The following PDE9A variants were observed in gnomAD, a reference collection of about 807,000 sequenced individuals.
PDE9A encodes the protein phosphodiesterase 9A, also known as high affinity cGMP-specific 3',5'-cyclic phosphodiesterase 9A.
Under a neutral mutation model 87.4 loss-of-function variants are expected in PDE9A, and 60 were observed. That is an observed-to-expected ratio of 0.69 (90% CI 0.56 to 0.85). The LOEUF is 0.85. Ranked by LOEUF, PDE9A falls within the 40% of genes least tolerant of loss-of-function variation. The pLI, the probability that PDE9A is intolerant of heterozygous loss-of-function variation, is 0.00. For missense variants in PDE9A, 665 were observed against 779.0 expected (o/e 0.85, Z 1.74); for synonymous variants, 272 against 279.4 (o/e 0.97, Z 0.27).
At chr21:42,748,007 G>C (rs1485773288) in intron 8 of PDE9A, among the ~76,000 whole-genome samples, 2 of 152,198 alleles carry the variant, frequency 1.3e-5, no homozygotes, top group East Asian at 3.9e-4. Context: ...TGGCCAGGCA[G>C]GGTCAGCGGG....
In PDE9A at chr21:42,733,421, T is replaced by C. The variant is rs2052046229; in HGVS notation, c.563T>C (p.Val188Ala). 6.3e-7 allele frequency: 1 copy of C among 1,586,472 alleles called. No homozygotes were observed. Residue 188 changes from valine to alanine, a missense_variant, in exon 7 of 20, where the codon GTG (valine) becomes GCG (alanine). Coordinates refer to ENST00000291539, the MANE Select transcript of PDE9A (RefSeq NM_002606.3). The stretch of plus-strand genomic sequence containing the variant: ...CACTTGGCTGTCCTAGAGAAACGCG[T>C]GGAATGTGAGTGACGTTTCTGTTTC... ...ANHLAVLEKR[V>A]ELEGLKVVEI...
chr21:42,769,564 ACACACACACACATG>A (rs1176702871), intron 17 of PDE9A, among the ~76,000 whole-genome samples: 2 of 52,792 alleles, frequency 3.8e-5, no homozygotes, highest in African/African-American at 2.3e-4. Flanking sequence ...ACAGGCACAC[ACACACACACACATG>A]CACACAGGTA....
rs561500906 is a variant in PDE9A at position 42,769,215 on chromosome 21, A to G, written c.1590+60A>G. ...CACTCAGATACATGCATGCACACAC[A>G]GGCACACACACATATACACATATGC... On this transcript the variant is annotated intron_variant, in intron 17 of 19. Transcript: ENST00000291539. The G allele has an allele frequency of 1.1e-5, 17 of 1,504,190 alleles. No individual in the cohort carries two copies. In the East Asian group the frequency reaches 2.5e-4, roughly 22 times the overall value. The allele number at this position is 1,504,190 out of a possible 1,614,324, so 93.2% of individuals were successfully genotyped here. A position where few individuals can be genotyped will look rare whatever the true frequency, so the allele number is the denominator to read the frequency against.
chr21:42,772,415 G>A, intron 18 of PDE9A, 24 bp from the exon 19 acceptor site: 1 of 1,539,132 alleles, frequency 6.5e-7, no homozygotes, highest in Non-Finnish European at 8.9e-7. Context: ...TCCCTGACTT[G>A]GCCTTCTCTG....
At chr21:42,755,554 G>A (rs1329607077) in intron 10 of PDE9A, among the ~76,000 whole-genome samples, 1 of 152,210 alleles carries the variant, frequency 6.6e-6, no homozygotes, top group East Asian at 1.9e-4. Flanking sequence ...CTTTAAATAT[G>A]CAGAATGACT....
chr21:42,763,349 G>A (rs970884467), intron 14 of PDE9A, among the ~76,000 whole-genome samples: 3 of 152,174 alleles, frequency 2.0e-5, no homozygotes, highest in African/African-American at 7.2e-5. Flanking sequence ...GTCTAAGGGG[G>A]CCGTAAATCC....
intron 1 of PDE9A, among the ~76,000 whole-genome samples, chr21:42,670,370 TCA>T (rs796710034): frequency 1.9e-4 from 20 of 106,350 alleles, no homozygotes; most frequent in East Asian, 3.2e-4. Context: ...ACACACACAT[TCA>T]CACACATTCA....
intron 3 of PDE9A, among the ~76,000 whole-genome samples, chr21:42,693,566 A>C (rs995986039): frequency 6.7e-6 from 1 of 148,292 alleles, no homozygotes; most frequent in Non-Finnish European, 1.5e-5. Flanking sequence ...CTGCGATTAC[A>C]GGCGTGAGCC....
At chr21:42,721,328 C>T (rs1019671619) in intron 4 of PDE9A, among the ~76,000 whole-genome samples, 4 of 152,212 alleles carry the variant, frequency 2.6e-5, no homozygotes, top group African/African-American at 9.6e-5. Context: ...AATGACAAGG[C>T]AGACACTCTC....
intron 7 of PDE9A, among the ~76,000 whole-genome samples, chr21:42,736,221 A>G (rs1007503752): frequency 2.0e-5 from 3 of 152,158 alleles, no homozygotes; most frequent in African/African-American, 7.2e-5. Flanking sequence ...GTAACTCTCA[A>G]AACTCTTACA....
chr21:42,740,439 G>A (rs1465166577), intron 7 of PDE9A, among the ~76,000 whole-genome samples: 1 of 129,210 alleles, frequency 7.7e-6, no homozygotes, highest in Non-Finnish European at 1.6e-5. Context: ...GCAAGCCCCT[G>A]TCTCAAAAAA....
chr21:42,733,359 A>T lies in PDE9A; in HGVS notation c.501A>T (p.Ala167=). 6.3e-7 allele frequency: 1 copy of T among 1,577,938 alleles called. No individual in the cohort carries two copies. The highest frequency in any genetic ancestry group is 1.7e-5 in the Admixed American group (1 of 59,976). ...LAQVAEQFSR[A]FKINELKAEV... ...CTCTTTTCTTTTTCATTCCTAGAGC[A>T]TTCAAAATCAATGAACTGAAAGCTG... Residue 167 remains alanine (A), a synonymous_variant, in exon 7 of 20, where the codon GCA becomes GCT. Coordinates refer to ENST00000291539, the MANE Select transcript of PDE9A (RefSeq NM_002606.3).
At chr21:42,670,170 C>T (rs1380835780) in intron 1 of PDE9A, among the ~76,000 whole-genome samples, 2 of 148,804 alleles carry the variant, frequency 1.3e-5, no homozygotes, top group Non-Finnish European at 2.9e-5. Flanking sequence ...CACACATTCA[C>T]ACGCACACAT....
At chr21:42,667,686 A>G (rs567101630) in intron 1 of PDE9A, among the ~76,000 whole-genome samples, 19 of 152,062 alleles carry the variant, frequency 1.2e-4, no homozygotes, top group Non-Finnish European at 2.4e-4. Flanking sequence ...ACCAGGCATT[A>G]CCTTTATTCC....
intron 4 of PDE9A, among the ~76,000 whole-genome samples, chr21:42,707,218 G>A (rs2048917159): frequency 6.6e-6 from 1 of 152,368 alleles, no homozygotes; most frequent in African/African-American, 2.4e-5. Context: ...GAGGGCCTGA[G>A]AGAAGTGCTG....
rs562206626 is a variant in PDE9A at position 42,658,711 on chromosome 21, G to A, written c.69+4828G>A. 1.8e-3 allele frequency among the ~76,000 whole-genome samples: 270 copies of A among 152,276 alleles called. 4 individuals carry two copies. Among genetic ancestry groups the A allele is most frequent in the Middle Eastern group, 6.8e-3 (2 of 294 alleles). ...TCTGCGCCCTCCTTCCCAGGTGGAC[G>A]GCGGCTCTCCTCGCCATCCTCTCCA... On this transcript the variant is annotated intron_variant, in intron 1 of 19. Coordinates refer to ENST00000291539, the MANE Select transcript of PDE9A (RefSeq NM_002606.3).
Position 42,726,592 on chromosome 21 carries a change from C to CTATATATA in PDE9A, c.263-5178_263-5177insTATATATA, listed in dbSNP as rs2051062252. On this transcript the variant is annotated intron_variant, in intron 4 of 19. Coordinates refer to ENST00000291539, the MANE Select transcript of PDE9A (RefSeq NM_002606.3). ...TATTACTGAATGCCACCACGCCTGG[C>CTATATATA]CATATATATATATATATATATATAT... Among the ~76,000 whole-genome samples the CTATATATA allele has an allele frequency of 4.7e-4, 35 of 74,222 alleles. 3 individuals carry two copies. The highest frequency in any genetic ancestry group is 2.4e-3 in the African/African-American group (34 of 13,936). 48.7% of individuals were successfully genotyped at this position (74,222 alleles called of 152,430 possible).
At chr21:42,718,097 C>T (rs571824204) in intron 4 of PDE9A, among the ~76,000 whole-genome samples, 1 of 151,618 alleles carries the variant, frequency 6.6e-6, no homozygotes, top group East Asian at 1.9e-4. Context: ...GACAGGATTT[C>T]ACCATGTTGG....
At chr21:42,749,390 T>C (rs895112484) in intron 8 of PDE9A, among the ~76,000 whole-genome samples, 1 of 152,118 alleles carries the variant, frequency 6.6e-6, no homozygotes, top group African/African-American at 2.4e-5. Context: ...TTCACACCCA[T>C]AGGGTGTGAA....
Sources: allele counts gnomAD v4.1 joint callset (sites outside exome capture counted in the v4.1 genomes callset), GRCh38; gene constraint gnomAD v4.1.1; transcripts MANE v1.5; gene names NCBI Gene and HGNC (gene_info 2026-07-23, HGNC 2026-07-21).